The following FHIP1A variants were observed in gnomAD, a reference collection of about 807,000 sequenced individuals.
The protein encoded by FHIP1A is FHF complex subunit HOOK interacting protein 1A.
FHIP1A carries 61 observed loss-of-function variants against 88.6 expected under a neutral mutation model. The observed-to-expected ratio is 0.69, with a 90% CI of 0.56 to 0.85. The LOEUF is 0.85. FHIP1A is among the 40% of genes least tolerant of loss of function. The pLI is 0.00. For synonymous variants in FHIP1A, 478 were observed against 496.0 expected, an observed-to-expected ratio of 0.96 and a Z score of 0.48; for missense variants, 1,154 against 1,273.5, an observed-to-expected ratio of 0.91 and a Z score of 1.43.
rs553858211 is a variant in FHIP1A, at chr4:151,665,129, C to T, written c.*2375C>T. On this transcript the variant is annotated 3_prime_UTR_variant, in exon 14 of 14. Transcript: ENST00000435205. The stretch of plus-strand genomic sequence containing the variant: ...AGCTGGGAATATAGGAACGTGCCAC[C>T]ACACCCAGCTAACTTTTTGGTATAG... Among the ~76,000 whole-genome samples, 7 of 152,018 alleles carry T rather than the reference C, an allele frequency of 4.6e-5. No homozygotes were observed. The highest frequency in any genetic ancestry group is 8.8e-5 in the Non-Finnish European group (6 of 68,010).
At chr4:151,574,033 C>A (rs1395067933) in intron 4 of FHIP1A, among the ~76,000 whole-genome samples, 1 of 152,156 alleles carries the variant, frequency 6.6e-6, no homozygotes, top group Non-Finnish European at 1.5e-5. Context: ...CAAGGTTGGG[C>A]CACCAGAGCC....
chr4:151,454,402 A>G (rs766744807), intron 1 of FHIP1A, among the ~76,000 whole-genome samples: 13 of 152,362 alleles, frequency 8.5e-5, no homozygotes, highest in Admixed American at 4.6e-4. Context: ...AGAACAAGCT[A>G]TGCCAAAATG....
chr4:151,469,637 C>T (rs947257118), intron 2 of FHIP1A, among the ~76,000 whole-genome samples: 4 of 152,170 alleles, frequency 2.6e-5, no homozygotes, highest in Non-Finnish European at 5.9e-5. Context: ...AGACTGTTTA[C>T]TGGCACATTA....
intron 3 of FHIP1A, among the ~76,000 whole-genome samples, chr4:151,526,579 AC>A (rs1560749045): frequency 8.5e-6 from 1 of 117,558 alleles, no homozygotes; most frequent in African/African-American, 3.3e-5. Context: ...GGCGCCCCTC[AC>A]CTCCCGGACG....
chr4:151,584,121 C>T (rs916131502), intron 5 of FHIP1A, among the ~76,000 whole-genome samples: 6 of 152,030 alleles, frequency 3.9e-5, no homozygotes, highest in Non-Finnish European at 7.4e-5. Context: ...TGAAATGGTT[C>T]ATCTGTTTGT....
Position 151,577,844 on chromosome 4 carries a change from ATCAGC to A in FHIP1A, c.503_507del (p.Gln168LeufsTer18). On this transcript the variant is annotated frameshift_variant, in exon 5 of 14. Transcript: ENST00000435205. LOFTEE classifies it high-confidence loss of function. ...GAGGAGAAGCTGGTTGTCCTACTCAATCAGCTCTGTTCCATTCTTGCCAAAGATCC... is the reference window on the plus strand; with the variant it reads ...GAGGAGAAGCTGGTTGTCCTACTCAATCTGTTCCATTCTTGCCAAAGATCC... 6.4e-7 allele frequency: 1 copy of A among 1,551,930 alleles called. No individual in the cohort carries two copies. The highest frequency in any genetic ancestry group is 8.7e-7 in the Non-Finnish European group (1 of 1,147,030).
chr4:151,655,339 C>T (rs1737190839), intron 11 of FHIP1A, among the ~76,000 whole-genome samples: 1 of 152,068 alleles, frequency 6.6e-6, no homozygotes, highest in African/African-American at 2.4e-5. Flanking sequence ...TTTGGTTTTC[C>T]CCTGCCCTCA....
At position 151,550,994 on chromosome 4, in the gene FHIP1A, C is replaced by T. The variant is rs115390995; in HGVS notation, c.-122-15144C>T. ...ATCCTCCTTTAGTCATGGATATGAACTGCCCTTAAGGGGGAGGGCTTAATC... is the reference window on the plus strand; with the variant it reads ...ATCCTCCTTTAGTCATGGATATGAATTGCCCTTAAGGGGGAGGGCTTAATC... On this transcript the variant is annotated intron_variant, in intron 3 of 13. Coordinates refer to ENST00000435205, the MANE Select transcript of FHIP1A (RefSeq NM_001109977.3). Among the ~76,000 whole-genome samples, 456 of 152,288 alleles carry T rather than the reference C, an allele frequency of 3.0e-3. 2 individuals are homozygous for T. Among genetic ancestry groups the T allele is most frequent in the African/African-American group, 0.011 (438 of 41,550 alleles).
At chr4:151,545,765 A>T (rs1219893489) in intron 3 of FHIP1A, among the ~76,000 whole-genome samples, 1 of 152,208 alleles carries the variant, frequency 6.6e-6, no homozygotes, top group Non-Finnish European at 1.5e-5. Flanking sequence ...AGTTGATTAT[A>T]AGAATTATTT....
intron 1 of FHIP1A, among the ~76,000 whole-genome samples, chr4:151,448,979 T>G (rs79814051): frequency 6.6e-6 from 1 of 152,330 alleles, no homozygotes; most frequent in South Asian, 2.1e-4. Context: ...CTGGTTAGTC[T>G]GTCTCATGGT....
chr4:151,411,343 A>ATTCTT lies in FHIP1A; in HGVS notation c.-356+1879_-356+1880insTCTTT, dbSNP rs370374898. The stretch of plus-strand genomic sequence containing the variant: ...AATTGCCTCTGAGGAGTGAAATTAT[A>ATTCTT]TATATATTTTTTTTTTTTTAAAGTT... On this transcript the variant is annotated intron_variant, in intron 1 of 13. Coordinates refer to ENST00000435205, the MANE Select transcript of FHIP1A (RefSeq NM_001109977.3). Among the ~76,000 whole-genome samples, 36 of 112,140 alleles carry ATTCTT rather than the reference A, an allele frequency of 3.2e-4. 3 individuals carry two copies. The highest frequency in any genetic ancestry group is 5.1e-4 in the African/African-American group (14 of 27,352). 73.6% of individuals were successfully genotyped at this position (112,140 alleles called of 152,430 possible).
At chr4:151,642,780 C>T (rs1051037030) in intron 9 of FHIP1A, among the ~76,000 whole-genome samples, 4 of 150,966 alleles carry the variant, frequency 2.6e-5, no homozygotes, top group Non-Finnish European at 5.9e-5. Flanking sequence ...ATTTAATGAC[C>T]GATATCCAAG....
chr4:151,537,799 T>TCAGAGCTTTTCTGAAACTAGAC (rs1732125255), intron 3 of FHIP1A, among the ~76,000 whole-genome samples: 3 of 152,192 alleles, frequency 2.0e-5, no homozygotes, highest in Non-Finnish European at 2.9e-5. Flanking sequence ...TAGACTATTG[T>TCAGAGCTTTTCTGAAACTAGAC]TTTTTCCTTT....
chr4:151,516,626 CA>C (rs1334396860), intron 3 of FHIP1A, among the ~76,000 whole-genome samples: 13 of 152,260 alleles, frequency 8.5e-5, no homozygotes, highest in Admixed American at 7.2e-4. Flanking sequence ...ACAACCCCAT[CA>C]AAAAGTGGGC....
intron 9 of FHIP1A, among the ~76,000 whole-genome samples, chr4:151,645,885 A>G (rs547826004): frequency 6.6e-6 from 1 of 152,114 alleles, no homozygotes; most frequent in African/African-American, 2.4e-5. Context: ...TCACCAACCA[A>G]AAGTGTTTTA....
intron 1 of FHIP1A, among the ~76,000 whole-genome samples, chr4:151,412,074 C>T (rs1446624207): frequency 6.6e-6 from 1 of 152,156 alleles, no homozygotes; most frequent in Non-Finnish European, 1.5e-5. Flanking sequence ...GTTTAGATTA[C>T]ACAGGAGGAA....
At chr4:151,640,813 G>C (rs1018704484) in intron 9 of FHIP1A, among the ~76,000 whole-genome samples, 5 of 152,094 alleles carry the variant, frequency 3.3e-5, no homozygotes, top group Admixed American at 6.6e-5. Context: ...GGTGAGTGCT[G>C]ATCACCCTTT....
chr4:151,439,391 T>A (rs75850147), intron 1 of FHIP1A, among the ~76,000 whole-genome samples: 1,632 of 152,264 alleles, frequency 0.011, 32 homozygotes, highest in African/African-American at 0.036. Flanking sequence ...ATTATGTGGC[T>A]TAAGCCATTT....
rs144605911 is a variant in FHIP1A at position 151,566,074 on chromosome 4, TAGTC to T, written c.-122-60_-122-57del. The T allele has an allele frequency of 6.9e-3, 3,025 of 441,186 alleles. 50 individuals carry two copies. The highest frequency in any genetic ancestry group is 0.047 in the African/African-American group (2,295 of 49,194). The allele number at this position is 441,186 out of a possible 1,614,324, so 27.3% of individuals were successfully genotyped here. The stretch of plus-strand genomic sequence containing the variant: ...TGTCTAAGCTTTGATTTAAATTTAA[TAGTC>T]AGTTTCCTATTTAATTTATGAACAT... On this transcript the variant is annotated intron_variant, in intron 3 of 13. Coordinates refer to ENST00000435205, the MANE Select transcript of FHIP1A (RefSeq NM_001109977.3).
Sources: allele counts gnomAD v4.1 joint callset (sites outside exome capture counted in the v4.1 genomes callset), GRCh38; gene constraint gnomAD v4.1.1; transcripts MANE v1.5; gene names NCBI Gene and HGNC (gene_info 2026-07-23, HGNC 2026-07-21).